The following BICRA variants were observed in gnomAD, a reference collection of about 807,000 sequenced individuals.
The protein encoded by BICRA is BRD4 interacting chromatin remodeling complex associated protein.
In BICRA, 31 loss-of-function variants were observed where a neutral mutation model predicts 96.9. That is an observed-to-expected ratio of 0.32 (90% CI 0.24 to 0.43). The LOEUF (loss-of-function observed/expected upper bound fraction) is 0.43. BICRA is among the 20% of genes least tolerant of loss of function. The pLI, the probability that BICRA is intolerant of heterozygous loss-of-function variation, is 1.00. For missense variants in BICRA, 2,283 were observed against 2,190.3 expected (o/e 1.04, Z -0.84); for synonymous variants, 1,350 against 1,071.8 (o/e 1.26, Z -5.07).
At chr19:47,640,572 C>T (rs1200163908) in intron 1 of BICRA, among the ~76,000 whole-genome samples, 1 of 151,252 alleles carries the variant, frequency 6.6e-6, no homozygotes, top group Non-Finnish European at 1.5e-5. Context: ...GGGGAGCTGA[C>T]CTGCCAGTGG....
chr19:47,633,921 C>T (rs1972260596), intron 1 of BICRA, among the ~76,000 whole-genome samples: 1 of 152,202 alleles, frequency 6.6e-6, no homozygotes, highest in South Asian at 2.1e-4. Context: ...CGCCGAGGGG[C>T]GTTCTGTGCG....
Position 47,681,149 on chromosome 19 carries a change from A to T in BICRA, c.1979A>T (p.Gln660Leu). ...ACCCCACAGGCCGCCGCCCCGCCTC[A>T]GGCCACCACCCCCCAGCCCAGCCCT... ...APTPQAAAPP[Q>L]ATTPQPSPGL... is the part of the protein sequence containing the mutation. Residue 660 changes from glutamine (Q) to leucine (L), a missense_variant, in exon 6 of 15, where the codon CAG (glutamine) becomes CTG (leucine). Transcript: ENST00000594866. 6.9e-7 allele frequency: 1 copy of T among 1,446,530 alleles called. No individual in the cohort carries two copies. Among genetic ancestry groups the T allele is most frequent in the Non-Finnish European group, 9.2e-7 (1 of 1,089,360 alleles). The allele number at this position is 1,446,530 out of a possible 1,614,324, so 89.6% of individuals were successfully genotyped here.
intron 1 of BICRA, among the ~76,000 whole-genome samples, chr19:47,636,258 G>A (rs1367610627): frequency 1.3e-5 from 2 of 152,198 alleles, no homozygotes; most frequent in Non-Finnish European, 2.9e-5. Context: ...CCAGTCTGGA[G>A]TGCAGTGGTA....
intron 7 of BICRA, among the ~76,000 whole-genome samples, chr19:47,690,325 A>G (rs755474354): frequency 6.6e-6 from 1 of 152,158 alleles, no homozygotes; most frequent in Non-Finnish European, 1.5e-5. Context: ...GTTATTTCCC[A>G]CATATGCAGG....
chr19:47,665,276 C>T (rs1349957990), intron 1 of BICRA, among the ~76,000 whole-genome samples: 3 of 152,312 alleles, frequency 2.0e-5, no homozygotes, highest in East Asian at 3.9e-4. Flanking sequence ...TGTTTAATTT[C>T]CTCTGCAAAT....
chr19:47,655,836 A>G lies in BICRA; in HGVS notation c.-107-14607A>G, dbSNP rs1464354258. On this transcript the variant is annotated intron_variant, in intron 1 of 14. Coordinates refer to ENST00000594866, the MANE Select transcript of BICRA (RefSeq NM_001394372.1). ...GCTGCACTGCACTCCAGTCTGGGTG[A>G]CAGAGCGAGACTCCATCTCAAAAAA... Among the ~76,000 whole-genome samples, 22 of 151,666 alleles carry G rather than the reference A, an allele frequency of 1.5e-4. No homozygotes were observed. In the East Asian group the frequency reaches 4.1e-3, roughly 28 times the overall value.
chr19:47,614,500 C>T (rs1971955487), intron 1 of BICRA, among the ~76,000 whole-genome samples: 1 of 152,138 alleles, frequency 6.6e-6, no homozygotes, highest in African/African-American at 2.4e-5. Flanking sequence ...GGCTGTAATC[C>T]CAGCTACTCA....
chr19:47,698,559 T>C lies in BICRA; in HGVS notation c.3249-75T>C, dbSNP rs1307913043. The stretch of plus-strand genomic sequence containing the variant: ...TCAGTTGCGGCCTGGGGCTGAGGGT[T>C]CAGGGACTTCCCCTGGCCCTCACCC... On this transcript the variant is annotated intron_variant, in intron 11 of 14. Transcript: ENST00000594866. This position sits in a 1 kb window ranked among gnomAD's most constrained non-coding sequence, Gnocchi z 4.8. 4.1e-6 allele frequency: 3 copies of C among 733,472 alleles called. No individual in the cohort carries two copies. In the African/African-American group the frequency reaches 5.2e-5, roughly 13 times the overall value. The allele number at this position is 733,472 out of a possible 1,614,324, so 45.4% of individuals were successfully genotyped here.
At position 47,702,757 on chromosome 19, in the gene BICRA, T is replaced by G; in HGVS notation, c.*342T>G. ...TTTGCCAGGGATGGGGCCACCGGGT[T>G]GATGCCAACGCTCCGGGTGCCTGTC... On this transcript the variant is annotated 3_prime_UTR_variant, in exon 15 of 15. Transcript: ENST00000594866. The G allele has an allele frequency of 3.0e-6, 1 of 331,692 alleles. No individual in the cohort carries two copies. The highest frequency in any genetic ancestry group is 4.3e-5 in the South Asian group (1 of 23,432). The allele number at this position is 331,692 out of a possible 1,614,324, so 20.5% of individuals were successfully genotyped here.
intron 1 of BICRA, among the ~76,000 whole-genome samples, chr19:47,611,148 G>A (rs1389377848): frequency 6.6e-6 from 1 of 152,174 alleles, no homozygotes; most frequent in African/African-American, 2.4e-5. Flanking sequence ...ACCTCCTGGA[G>A]TTTTTCCAGC....
chr19:47,694,083 G>GCC, intron 7 of BICRA, 32 bp from the exon 8 acceptor site: 2 of 1,093,876 alleles, frequency 1.8e-6, no homozygotes, highest in South Asian at 2.2e-5. Flanking sequence ...TCTGACCCCC[G>GCC]CCCCTCCCCT....
Position 47,698,989 on chromosome 19 carries a change from C to G in BICRA, c.3422C>G (p.Ser1141Cys), listed in dbSNP as rs1235926751. Residue 1141 changes from serine to cysteine, a missense_variant, in exon 13 of 15, where the codon TCC becomes TGC. Ser to Cys is a moderately radical substitution (Grantham distance 112). Transcript: ENST00000594866. The surrounding 1 kb of genome is among the most constrained non-coding windows in gnomAD (Gnocchi z 4.8). ...HKVDEEFETVSTQLLKRTQAM... is the reference protein window; with the variant it reads ...HKVDEEFETVCTQLLKRTQAM... ...GTGGACGAGGAGTTTGAGACGGTCT[C>G]CACGCAGCTGCTGAAACGCACCCAG... 6.3e-7 allele frequency: 1 copy of G among 1,586,058 alleles called. No homozygotes were observed. The highest frequency in any genetic ancestry group is 2.3e-5 in the East Asian group (1 of 43,170).
chr19:47,622,070 A>G (rs1465195328), intron 1 of BICRA, among the ~76,000 whole-genome samples: 1 of 151,654 alleles, frequency 6.6e-6, no homozygotes, highest in Non-Finnish European at 1.5e-5. Context: ...GGGTTCAAGC[A>G]GTTCTCCTGC....
intron 1 of BICRA, among the ~76,000 whole-genome samples, chr19:47,612,114 G>A (rs1299625872): frequency 1.3e-5 from 2 of 152,116 alleles, no homozygotes; most frequent in Non-Finnish European, 2.9e-5. Flanking sequence ...CAGGTAATCT[G>A]ACTGGCATTT....
intron 1 of BICRA, among the ~76,000 whole-genome samples, chr19:47,664,482 A>T (rs1014002069): frequency 2.6e-4 from 39 of 152,266 alleles, no homozygotes; most frequent in African/African-American, 9.1e-4. Flanking sequence ...GTCTGAGTTC[A>T]AATTCTGGTC....
chr19:47,615,635 A>C (rs1047089721), intron 1 of BICRA: 1 of 152,202 alleles, frequency 6.6e-6, no homozygotes, highest in African/African-American at 2.4e-5. Context: ...AGGGTCCCCA[A>C]ACACCCATAA....
At chr19:47,662,631 A>C (rs1972720902) in intron 1 of BICRA, 2 of 152,264 alleles carry the variant, frequency 1.3e-5, no homozygotes, top group Admixed American at 1.3e-4. Flanking sequence ...AGATCATGCC[A>C]CTGCACTCCA....
At chr19:47,640,025 A>C (rs1317844127) in intron 1 of BICRA, among the ~76,000 whole-genome samples, 1 of 152,212 alleles carries the variant, frequency 6.6e-6, no homozygotes, top group East Asian at 1.9e-4. Context: ...ATTCCACTGG[A>C]AGGCCCTAAC....
chr19:47,684,499 G>A (rs1005506050), intron 7 of BICRA, among the ~76,000 whole-genome samples: 10 of 152,102 alleles, frequency 6.6e-5, no homozygotes, highest in Admixed American at 6.5e-4. Context: ...TATATTTTTA[G>A]TAGAGAGATG....
Sources: gnomAD v4.1 joint callset for allele counts (sites outside exome capture counted in the v4.1 genomes callset) on GRCh38, gnomAD v4.1.1 for gene constraint, Gnocchi (gnomAD v3.1) non-coding constraint, MANE v1.5 for transcripts, NCBI Gene and HGNC (gene_info 2026-07-23, HGNC 2026-07-21) for gene names.